ORC3: variants seen among roughly 807,000 people sequenced by gnomAD.
ORC3 encodes the protein homolog of latheo, Drosophila.
A neutral mutation model predicts 100.7 loss-of-function variants in ORC3; 78 were observed. The observed-to-expected ratio is 0.77, with a 90% CI of 0.65 to 0.94. The LOEUF (loss-of-function observed/expected upper bound fraction) is 0.94, where lower values mean the gene tolerates loss of function less well. ORC3 is among the 40% of genes least tolerant of loss of function. ORC3 has a pLI of 0.00. For synonymous variants in ORC3, 295 were observed against 289.3 expected (o/e 1.02, Z -0.20); for missense variants, 789 against 823.9 (o/e 0.96, Z 0.52).
At chr6:87,662,390 C>T (rs1032505248) in intron 16 of ORC3, among the ~76,000 whole-genome samples, 4 of 152,214 alleles carry the variant, frequency 2.6e-5, no homozygotes, top group African/African-American at 2.4e-5. Context: ...CGAGATTGCA[C>T]CACTGCACTC....
At chr6:87,657,480 C>A (rs1203352675) in intron 15 of ORC3, among the ~76,000 whole-genome samples, 1 of 152,084 alleles carries the variant, frequency 6.6e-6, no homozygotes, top group African/African-American at 2.4e-5. Flanking sequence ...AAATGAAGAA[C>A]CTTCTTTGTA....
At chr6:87,661,628 G>C (rs2128294696) in intron 16 of ORC3, among the ~76,000 whole-genome samples, 1 of 152,304 alleles carries the variant, frequency 6.6e-6, no homozygotes, top group South Asian at 2.1e-4. Flanking sequence ...CTTGGAAGAA[G>C]GGGAATAATG....
At chr6:87,670,431 G>A (rs144079230), downstream of ORC3, among the ~76,000 whole-genome samples, 4,794 of 152,194 alleles carry the variant, frequency 0.031, 255 homozygotes, top group African/African-American at 0.11. Context: ...TTCCCAAAGT[G>A]CTGGGATTAC....
chr6:87,598,680 T>G (rs145144650), intron 2 of ORC3, among the ~76,000 whole-genome samples: 1 of 152,054 alleles, frequency 6.6e-6, no homozygotes, highest in East Asian at 1.9e-4. Context: ...TTTCATTATG[T>G]GGCTCTAAGA....
intron 1 of ORC3, among the ~76,000 whole-genome samples, chr6:87,591,291 AT>A (rs1776904294): frequency 1.3e-5 from 2 of 152,230 alleles, no homozygotes; most frequent in South Asian, 4.1e-4. Context: ...AAGCTGAAAA[AT>A]GCACATGAAG....
At chr6:87,675,972 C>T in the ORC3 span, 3 of 1,534,236 alleles carry the variant, frequency 2.0e-6, no homozygotes, top group East Asian at 6.7e-5. Context: ...TGTAAAATGC[C>T]TTATTAGAGC....
intron 16 of ORC3, among the ~76,000 whole-genome samples, chr6:87,659,290 C>G (rs1769996880): frequency 2.0e-5 from 3 of 151,750 alleles, no homozygotes; most frequent in African/African-American, 7.3e-5. Flanking sequence ...TCCTGAACTC[C>G]TGACCTCATG....
chr6:87,672,129 G>A (rs1167961079), downstream of ORC3, among the ~76,000 whole-genome samples: 1 of 152,046 alleles, frequency 6.6e-6, no homozygotes, highest in Admixed American at 6.6e-5. Flanking sequence ...TCTGAAATAA[G>A]GACTCGATGT....
In ORC3 at chr6:87,667,052, CT is replaced by C. The variant is rs1232437283; in HGVS notation, c.2069del (p.Leu690Ter). ...TATTAGAGCTGTTTCTGAACTAGAA[CT>C]TTTAGGATTTATAAAACCTACCAAA... ...RFIRAVSELE[L>X]LGFIKPTKQK... On this transcript the variant is annotated frameshift_variant, in exon 20 of 20. Coordinates refer to ENST00000392844, the MANE Select transcript of ORC3 (RefSeq NM_012381.4). LOFTEE classifies it high-confidence loss of function. The C allele has an allele frequency of 2.5e-6, 4 of 1,612,748 alleles. No homozygotes were observed. The South Asian group carries it at 3.3e-5, about 13-fold the overall frequency.
chr6:87,662,140 T>C (rs1216329182), intron 16 of ORC3, among the ~76,000 whole-genome samples: 3 of 152,142 alleles, frequency 2.0e-5, no homozygotes, highest in East Asian at 1.9e-4. Context: ...TAAAAAACTT[T>C]TGGGCCGGGT....
chr6:87,651,618 A>G (rs1769275005), intron 13 of ORC3, among the ~76,000 whole-genome samples: 1 of 152,196 alleles, frequency 6.6e-6, no homozygotes, highest in South Asian at 2.1e-4. Context: ...CTTTTAAAAA[A>G]ACCCTGTGGA....
chr6:87,661,940 A>G (rs930179299), intron 16 of ORC3, among the ~76,000 whole-genome samples: 4 of 152,080 alleles, frequency 2.6e-5, no homozygotes, highest in African/African-American at 9.7e-5. Flanking sequence ...TGCAAAGCAA[A>G]TTTTTAATGC....
chr6:87,618,371 C>G (rs1779306818), intron 9 of ORC3, among the ~76,000 whole-genome samples: 1 of 150,114 alleles, frequency 6.7e-6, no homozygotes, highest in South Asian at 2.1e-4. Flanking sequence ...GAGCGGAGAT[C>G]ATGCCACTGC....
chr6:87,653,250 G>A lies in ORC3; in HGVS notation c.1516+1G>A. The A allele has an allele frequency of 6.2e-7, 1 of 1,612,664 alleles. No homozygotes were observed. Among genetic ancestry groups the A allele is most frequent in the South Asian group, 1.1e-5 (1 of 90,914 alleles). On this transcript the variant is annotated splice_donor_variant, in intron 14 of 19. Transcript: ENST00000392844. LOFTEE classifies it high-confidence loss of function. ...CTGGCCCAGTTTCAGAGCCTCGATG[G>A]TAAGAGTGTAATATCCTTCCAATTC...
At chr6:87,638,404 A>T (rs1047438007) in intron 13 of ORC3, among the ~76,000 whole-genome samples, 1 of 152,216 alleles carries the variant, frequency 6.6e-6, no homozygotes, top group Admixed American at 6.5e-5. Context: ...ACCTGTCTTG[A>T]AATTTTATTT....
chr6:87,652,059 C>T (rs529327036), intron 13 of ORC3, among the ~76,000 whole-genome samples: 2 of 151,958 alleles, frequency 1.3e-5, no homozygotes, highest in Non-Finnish European at 2.9e-5. Context: ...CCACTACACC[C>T]GGCTAATTTT....
At position 87,667,034 on chromosome 6, in the gene ORC3, G is replaced by A. The variant is rs1276724070; in HGVS notation, c.2047G>A (p.Ala683Thr). The A allele has an allele frequency of 6.2e-7, 1 of 1,610,178 alleles. No individual in the cohort carries two copies. The highest frequency in any genetic ancestry group is 2.2e-5 in the East Asian group (1 of 44,796). ...AGCCTCCAGTGCTCGGTTTATTAGA[G>A]CTGTTTCTGAACTAGAACTTTTAGG... ...NEIIHARFIR[A>T]VSELELLGFI... The change falls in exon 20 of 20, where the codon GCT becomes ACT. Residue 683 changes from alanine to threonine, a missense_variant. Ala to Thr is a moderately conservative substitution (Grantham distance 58). Transcript: ENST00000392844.
chr6:87,654,380 T>C (rs1031112195), intron 14 of ORC3, among the ~76,000 whole-genome samples: 1 of 152,244 alleles, frequency 6.6e-6, no homozygotes, highest in South Asian at 2.1e-4. Flanking sequence ...TTTCAGGTTA[T>C]GTGTGGGCAT....
rs1288864896 is a variant in ORC3 at position 87,601,871 on chromosome 6, CT to C, written c.168del (p.Glu57LysfsTer9). ...TYQLIWQQMK[S>X]ENERLQEELN... ...CAGTTGATATGGCAGCAGATGAAAT[CT>C]GAAAATGAGGTGAATACTTTTTTTA... On this transcript the variant is annotated frameshift_variant, in exon 3 of 20. Transcript: ENST00000392844. LOFTEE classifies it high-confidence loss of function. 6.3e-7 allele frequency: 1 copy of C among 1,590,018 alleles called. No homozygotes were observed. The highest frequency in any genetic ancestry group is 1.7e-5 in the Admixed American group (1 of 59,934).
Sources: allele counts gnomAD v4.1 joint callset (sites outside exome capture counted in the v4.1 genomes callset), GRCh38; gene constraint gnomAD v4.1.1; transcripts MANE v1.5; gene names NCBI Gene and HGNC (gene_info 2026-07-23, HGNC 2026-07-21).